The following OPN4 variants were observed in gnomAD, a reference collection of about 807,000 sequenced individuals.
OPN4 encodes the protein melanopsin.
Under a neutral mutation model 49.5 loss-of-function variants are expected in OPN4, and 43 were observed. The ratio of observed to expected loss-of-function variants is 0.87; its 90% CI spans 0.68 to 1.12. The LOEUF (loss-of-function observed/expected upper bound fraction) is 1.12, where lower values mean the gene tolerates loss of function less well. Among genes scored for constraint, OPN4 ranks in the 50% most tolerant of loss-of-function variants. OPN4 has a pLI of 0.00. For synonymous variants in OPN4, 263 were observed against 258.0 expected, an observed-to-expected ratio of 1.02 and a Z score of -0.19; for missense variants, 657 against 643.9, an observed-to-expected ratio of 1.02 and a Z score of -0.22.
chr10:86,661,452 GAGGCCACC>G, intron 7 of OPN4, 64 bp downstream of exon 7: 1 of 1,201,570 alleles, frequency 8.3e-7, no homozygotes, highest in Non-Finnish European at 1.2e-6. Context: ...GATGGGGGCA[GAGGCCACC>G]ACCTTTCTGT....
At chr10:86,655,962 G>C (rs779841939) in intron 1 of OPN4, among the ~76,000 whole-genome samples, 193 bp from the exon 2 acceptor site, 1 of 152,240 alleles carries the variant, frequency 6.6e-6, no homozygotes, top group Non-Finnish European at 1.5e-5. Context: ...TAGGAGCTTG[G>C]GCTGGACTTT....
chr10:86,658,406 G>A (rs1843920368), intron 3 of OPN4, 78 bp from the exon 4 acceptor site: 1 of 1,487,982 alleles, frequency 6.7e-7, no homozygotes, highest in African/African-American at 1.4e-5. Flanking sequence ...CTCTTCCTGT[G>A]AGGTGAAGGC....
intron 9 of OPN4, 156 bp downstream of exon 9, chr10:86,663,958 G>C: frequency 1.1e-6 from 1 of 878,262 alleles, no homozygotes; most frequent in Non-Finnish European, 1.7e-6. Flanking sequence ...TTCCTTGTCT[G>C]CCTGGGGTTC....
intron 2 of OPN4, among the ~76,000 whole-genome samples, chr10:86,657,019 AC>A (rs1296846902): frequency 7.0e-6 from 1 of 142,842 alleles, no homozygotes; most frequent in Non-Finnish European, 1.5e-5. Context: ...CCTGACACCC[AC>A]CCCCAGTGTC....
intron 1 of OPN4, 94 bp downstream of exon 1, chr10:86,655,021 G>C (rs1253735335): frequency 7.6e-7 from 1 of 1,320,954 alleles, no homozygotes; most frequent in African/African-American, 1.5e-5. Flanking sequence ...CAGGGAGATA[G>C]AAAAGGTCTG....
rs377697575 is a variant in OPN4 at position 86,657,185 on chromosome 10, C to CT, written c.291-847_291-846insT. On this transcript the variant is annotated intron_variant, in intron 2 of 9. Transcript: ENST00000241891. The stretch of plus-strand genomic sequence containing the variant: ...TCCTCCTTGAGCTCACTTTTCTTTC[C>CT]GCAAAACAGAGCTGTGCTTCGTGGA... 9.1e-5 allele frequency: 71 copies of CT among 780,448 alleles called. 1 individual carries two copies. The highest frequency in any genetic ancestry group is 7.8e-4 in the African/African-American group (46 of 59,250). The allele number at this position is 780,448 out of a possible 1,614,324, so 48.3% of individuals were successfully genotyped here. A position where few individuals can be genotyped will look rare whatever the true frequency, so the allele number is the denominator to read the frequency against.
intron 3 of OPN4, 84 bp downstream of exon 3, chr10:86,658,249 G>A (rs755298749): frequency 8.4e-6 from 13 of 1,548,468 alleles, no homozygotes; most frequent in Non-Finnish European, 1.1e-5. Context: ...GCCCAAAGGA[G>A]GTGATTTGCT....
chr10:86,654,718 G>A lies in OPN4; in HGVS notation c.-66G>A. On this transcript the variant is annotated 5_prime_UTR_variant, in exon 1 of 10. It removes the in-frame stop codon of an upstream open reading frame in the 5' UTR. Transcript: ENST00000241891. ...GAAAGTTGGGAGGCTGAGCACAGCT[G>A]AAGTCCTGAGCTCCCTGTGCCCTTG... The A allele has an allele frequency of 6.4e-7, 1 of 1,562,546 alleles. No homozygotes were observed. Among genetic ancestry groups the A allele is most frequent in the Non-Finnish European group, 8.7e-7 (1 of 1,148,072 alleles).
chr10:86,665,626 C>A, intron 9 of OPN4, 87 bp from the exon 10 acceptor site: 2 of 1,138,564 alleles, frequency 1.8e-6, no homozygotes, highest in South Asian at 2.6e-5. Flanking sequence ...CCCCACTGCT[C>A]GGTGACCCAG....
intron 6 of OPN4, among the ~76,000 whole-genome samples, chr10:86,660,487 C>T (rs546088015): frequency 1.3e-5 from 2 of 152,304 alleles, no homozygotes; most frequent in South Asian, 4.1e-4. Flanking sequence ...CAGATGCATG[C>T]TCAACTTCAG....
chr10:86,655,812 G>A (rs187729203), intron 1 of OPN4, among the ~76,000 whole-genome samples: 178 of 152,270 alleles, frequency 1.2e-3, no homozygotes, highest in Admixed American at 3.8e-3. Context: ...GATGCACCCA[G>A]GAGTTGGCTC....
Position 86,665,924 on chromosome 10 carries a change from A to C in OPN4, c.*173A>C. The C allele has an allele frequency of 2.4e-5, 14 of 577,922 alleles. No homozygotes were observed. The highest frequency in any genetic ancestry group is 6.0e-5 in the East Asian group (2 of 33,502). 35.8% of individuals were successfully genotyped at this position (577,922 alleles called of 1,614,324 possible). A position where few individuals can be genotyped will look rare whatever the true frequency, so the allele number is the denominator to read the frequency against. On this transcript the variant is annotated 3_prime_UTR_variant, in exon 10 of 10. Coordinates refer to ENST00000241891, the MANE Select transcript of OPN4 (RefSeq NM_033282.4). Reference sequence around the variant, plus strand: ...CCATGGCCCCTCTCCACACCTCAAAACTCCTGCCCCATAACGTCCTCCGCA... The same window carrying C: ...CCATGGCCCCTCTCCACACCTCAAACCTCCTGCCCCATAACGTCCTCCGCA...
In OPN4 at chr10:86,655,245, C is replaced by A. The variant is rs113282419; in HGVS notation, c.144+318C>A. ...GGTTGCTCGGATGCCCCATGGAGCC[C>A]TCCAGGGAGGAGGGCACACCCTGGG... On this transcript the variant is annotated intron_variant, in intron 1 of 9. Transcript: ENST00000241891. 1.9e-4 allele frequency among the ~76,000 whole-genome samples: 29 copies of A among 152,288 alleles called. 1 individual carries two copies. Among genetic ancestry groups the A allele is most frequent in the African/African-American group, 6.0e-4 (25 of 41,572 alleles).
chr10:86,658,079 CG>C lies in OPN4; in HGVS notation c.340del (p.Val114SerfsTer45). On this transcript the variant is annotated frameshift_variant, in exon 3 of 10. Transcript: ENST00000241891. LOFTEE classifies it high-confidence loss of function. ...GCCAACATGTTCATTATCAACCTCG[CG>C]GTCAGCGACTTCCTCATGTCCTTCA... The part of the protein sequence containing the change: ...TPANMFIINL[A>X]VSDFLMSFTQ... 1 of 1,614,012 alleles carries C rather than the reference CG, an allele frequency of 6.2e-7. No individual in the cohort carries two copies. The highest frequency in any genetic ancestry group is 8.5e-7 in the Non-Finnish European group (1 of 1,180,020).
chr10:86,658,291 A>G (rs1843917148), intron 3 of OPN4, 126 bp downstream of exon 3: 1 of 1,336,008 alleles, frequency 7.5e-7, no homozygotes, highest in South Asian at 1.4e-5. Context: ...AGCTGCCCTC[A>G]GTCCTGTGAG....
chr10:86,657,549 G>A (rs540861032), intron 2 of OPN4, among the ~76,000 whole-genome samples: 4 of 152,222 alleles, frequency 2.6e-5, no homozygotes, highest in Admixed American at 6.5e-5. Flanking sequence ...GGAGGGAAGC[G>A]TGAGAAGCCA....
chr10:86,663,660 G>A lies in OPN4; in HGVS notation c.1256G>A (p.Gly419Asp). 1 of 1,524,640 alleles carries A rather than the reference G, an allele frequency of 6.6e-7. No individual in the cohort carries two copies. Among genetic ancestry groups the A allele is most frequent in the South Asian group, 1.3e-5 (1 of 76,266 alleles). The allele number at this position is 1,524,640 out of a possible 1,614,324, so 94.4% of individuals were successfully genotyped here. ...QESLGSESEV[G>D]WTHMEAAAVW... ...CAGTCACTCTCTCACCTCCCTCAGG[G>A]CTGGACACACATGGAGGCAGCAGCT... The change falls in exon 9 of 10, where the codon GGC becomes GAC. Residue 419 changes from glycine to aspartate, a missense_variant and splice_region_variant. Transcript: ENST00000241891.
chr10:86,662,541 G>A lies in OPN4; in HGVS notation c.1254+109G>A, dbSNP rs796328952. On this transcript the variant is annotated intron_variant, in intron 8 of 9. Coordinates refer to ENST00000241891, the MANE Select transcript of OPN4 (RefSeq NM_033282.4). The stretch of plus-strand genomic sequence containing the variant: ...TGGCAGGGCTGCCTCTGAGACTCAG[G>A]GACACTGAGGACGCTGGCACCCTGG... 7.7e-6 allele frequency: 8 copies of A among 1,036,588 alleles called. No individual in the cohort carries two copies. The African/African-American group carries it at 1.3e-4, about 17-fold the overall frequency. The allele number at this position is 1,036,588 out of a possible 1,614,324, so 64.2% of individuals were successfully genotyped here. A position where few individuals can be genotyped will look rare whatever the true frequency, so the allele number is the denominator to read the frequency against.
chr10:86,661,386 C>T lies in OPN4; in HGVS notation c.1071C>T (p.Tyr357=). The T allele has an allele frequency of 1.2e-6, 2 of 1,611,930 alleles. No homozygotes were observed. The highest frequency in any genetic ancestry group is 1.7e-6 in the Non-Finnish European group (2 of 1,178,160). The stretch of plus-strand genomic sequence containing the variant: ...TTTACGCCATCACCCACCCCAAGTA[C>T]AGGTGTGGCTCTTTTCCAGAACCCC... ...PIIYAITHPK[Y]RVAIAQHLPC... Residue 357 remains tyrosine (Y), a splice_region_variant and synonymous_variant, in exon 7 of 10, where the codon TAC becomes TAT. Transcript: ENST00000241891.
Sources: allele counts gnomAD v4.1 joint callset (sites outside exome capture counted in the v4.1 genomes callset), GRCh38; gene constraint gnomAD v4.1.1; transcripts MANE v1.5; gene names NCBI Gene and HGNC (gene_info 2026-07-23, HGNC 2026-07-21).